The following FANCL variants were observed in gnomAD, a reference collection of about 807,000 sequenced individuals.
The protein encoded by FANCL is E3 ubiquitin-protein ligase FANCL.
FANCL carries 69 observed loss-of-function variants against 59.4 expected under a neutral mutation model. That is an observed-to-expected ratio of 1.16 (90% CI 0.96 to 1.42). The LOEUF is 1.42. Ranked by LOEUF, FANCL falls within the 40% of genes most tolerant of loss-of-function variation. The probability of loss-of-function intolerance (pLI) is 0.00; values close to 1 mark genes in which losing one functional copy is unlikely to be tolerated. For synonymous variants in FANCL, 180 were observed against 147.1 expected (o/e 1.22, Z -1.62); for missense variants, 519 against 447.2 (o/e 1.16, Z -1.45).
chr2:58,232,478 A>C (rs1018191796), intron 1 of FANCL, among the ~76,000 whole-genome samples: 16 of 152,096 alleles, frequency 1.1e-4, no homozygotes, highest in Non-Finnish European at 2.1e-4. Context: ...AAATTCCTTC[A>C]AATTGCTTTA....
chr2:58,163,237 C>T lies in FANCL; in HGVS notation c.776-163G>A, dbSNP rs917813860. The stretch of plus-strand genomic sequence containing the variant: ...ACAGTTCAGAATGCTGAGACATTGT[C>T]ATTTAAAATAACTATCATTATTGCG... On this transcript the variant is annotated intron_variant, in intron 9 of 13. Transcript: ENST00000233741. The T allele has an allele frequency of 6.7e-6, 5 of 746,454 alleles. No individual in the cohort carries two copies. In the African/African-American group the frequency reaches 7.1e-5, roughly 11 times the overall value. The allele number at this position is 746,454 out of a possible 1,614,324, so 46.2% of individuals were successfully genotyped here. A position where few individuals can be genotyped will look rare whatever the true frequency, so the allele number is the denominator to read the frequency against.
At chr2:58,200,060 T>C (rs967369206) in intron 6 of FANCL, among the ~76,000 whole-genome samples, 1 of 143,178 alleles carries the variant, frequency 7.0e-6, no homozygotes, top group South Asian at 2.2e-4. Context: ...CAAAGGCAAA[T>C]AGATAAGAAA....
rs1404458 is a variant in FANCL at position 58,204,465 on chromosome 2, C to A, written c.375-239G>T. 9.5e-3 allele frequency among the ~76,000 whole-genome samples: 1,440 copies of A among 152,130 alleles called. 24 individuals are homozygous for A. Among genetic ancestry groups the A allele is most frequent in the Middle Eastern group, 0.048 (14 of 294 alleles). ...ATTATTTACAATGTGTGTCAAGGCT[C>A]ATGCTGTGGTCAGTGAGCACTATGT... On this transcript the variant is annotated intron_variant, in intron 5 of 13. Coordinates refer to ENST00000233741, the MANE Select transcript of FANCL (RefSeq NM_018062.4).
At chr2:58,162,748 T>G (rs549109787) in intron 11 of FANCL, 118 bp downstream of exon 11, 1 of 882,310 alleles carries the variant, frequency 1.1e-6, no homozygotes. Flanking sequence ...AGATCAGAAG[T>G]CTGTGTTATA....
intron 5 of FANCL, among the ~76,000 whole-genome samples, chr2:58,212,635 G>C (rs922983268): frequency 3.3e-5 from 5 of 151,980 alleles, no homozygotes; most frequent in Non-Finnish European, 7.4e-5. Context: ...TAAACACAAA[G>C]GACTGTTTAA....
At chr2:58,159,958 T>A in intron 13 of FANCL, 150 bp downstream of exon 13, 1 of 1,525,152 alleles carries the variant, frequency 6.6e-7, no homozygotes, top group East Asian at 2.4e-5. Context: ...AGGAGTTTAA[T>A]GTTTTTGATC....
chr2:58,182,380 T>C (rs2104970083), intron 7 of FANCL, among the ~76,000 whole-genome samples: 1 of 151,988 alleles, frequency 6.6e-6, no homozygotes, highest in East Asian at 1.9e-4. Flanking sequence ...AGAATAGCCA[T>C]GCTTGTTTCA....
At chr2:58,225,023 T>C (rs1692846735) in intron 4 of FANCL, among the ~76,000 whole-genome samples, 1 of 151,874 alleles carries the variant, frequency 6.6e-6, no homozygotes, top group Admixed American at 6.6e-5. Context: ...AATGGCTGAT[T>C]ACAGTTACGG....
chr2:58,209,078 C>T (rs528437688), intron 5 of FANCL, among the ~76,000 whole-genome samples: 28 of 152,318 alleles, frequency 1.8e-4, no homozygotes, highest in Non-Finnish European at 1.0e-4. Flanking sequence ...TTCATCTCCT[C>T]TAAGAACTCT....
At chr2:58,165,560 A>G (rs1232115069) in intron 8 of FANCL, among the ~76,000 whole-genome samples, 164 bp downstream of exon 8, 1 of 152,174 alleles carries the variant, frequency 6.6e-6, no homozygotes, top group Non-Finnish European at 1.5e-5. Context: ...TTTTCACCTA[A>G]AATATTTACA....
chr2:58,217,028 C>G (rs1189793005), intron 5 of FANCL, among the ~76,000 whole-genome samples: 1 of 148,876 alleles, frequency 6.7e-6, no homozygotes, highest in Non-Finnish European at 1.5e-5. Flanking sequence ...GAATTGCAGA[C>G]TCTGTATGAC....
chr2:58,161,988 T>A (rs1309081588), intron 11 of FANCL, among the ~76,000 whole-genome samples: 4 of 151,924 alleles, frequency 2.6e-5, no homozygotes, highest in Admixed American at 6.6e-5. Context: ...GGTGTTTCCT[T>A]TTCCACTCAA....
At chr2:58,229,124 G>A (rs1433050619) in intron 3 of FANCL, among the ~76,000 whole-genome samples, 1 of 151,956 alleles carries the variant, frequency 6.6e-6, no homozygotes, top group Non-Finnish European at 1.5e-5. Context: ...GTGATTGTCA[G>A]TTATCATAGA....
chr2:58,212,500 C>A (rs1469909555), intron 5 of FANCL, among the ~76,000 whole-genome samples: 1 of 151,918 alleles, frequency 6.6e-6, no homozygotes, highest in Non-Finnish European at 1.5e-5. Flanking sequence ...CTGACAGGGG[C>A]CAAAACAAAA....
chr2:58,210,183 G>T (rs1368526485), intron 5 of FANCL, among the ~76,000 whole-genome samples: 12 of 152,156 alleles, frequency 7.9e-5, no homozygotes, highest in Non-Finnish European at 1.5e-5. Flanking sequence ...TTTTCATGCT[G>T]CTAAGACACA....
chr2:58,239,826 G>A (rs1338584919), intron 1 of FANCL, among the ~76,000 whole-genome samples: 1 of 152,136 alleles, frequency 6.6e-6, no homozygotes, highest in Non-Finnish European at 1.5e-5. Context: ...GTAAACTGGT[G>A]AATCTAGGTA....
intron 4 of FANCL, among the ~76,000 whole-genome samples, chr2:58,225,282 T>C (rs1692885939): frequency 6.6e-6 from 1 of 151,254 alleles, no homozygotes; most frequent in Admixed American, 6.6e-5. Flanking sequence ...CAACTCATTA[T>C]TCTAAAAATT....
chr2:58,175,837 CA>C (rs1264868920), intron 7 of FANCL, among the ~76,000 whole-genome samples: 1 of 151,612 alleles, frequency 6.6e-6, no homozygotes, highest in Non-Finnish European at 1.5e-5. Flanking sequence ...AAGAGGAAGT[CA>C]AATTGTCCCT....
chr2:58,195,070 A>G (rs180755620), intron 7 of FANCL, among the ~76,000 whole-genome samples: 1 of 152,274 alleles, frequency 6.6e-6, no homozygotes. Flanking sequence ...TAACTCTGCT[A>G]TTAAACTACA....
Sources: gnomAD v4.1 joint callset for allele counts (sites outside exome capture counted in the v4.1 genomes callset) on GRCh38, gnomAD v4.1.1 for gene constraint, MANE v1.5 for transcripts, NCBI Gene and HGNC (gene_info 2026-07-23, HGNC 2026-07-21) for gene names.